LSM12: variants seen among roughly 807,000 people sequenced by gnomAD.
The protein encoded by LSM12 is protein LSM12.
For missense variants in LSM12, 108 were observed against 238.9 expected, an observed-to-expected ratio of 0.45 and a Z score of 3.61; for synonymous variants, 74 against 87.3, an observed-to-expected ratio of 0.85 and a Z score of 0.85.
At chr17:44,063,052 CAGAG>C (rs2049820589) in intron 2 of LSM12, among the ~76,000 whole-genome samples, 6 of 152,030 alleles carry the variant, frequency 3.9e-5, no homozygotes, top group Admixed American at 3.9e-4. Flanking sequence ...CTGGGCGACA[CAGAG>C]AGACTCTGTC....
At chr17:44,048,000 T>C (rs1204594473) in intron 2 of LSM12, among the ~76,000 whole-genome samples, 8 of 139,380 alleles carry the variant, frequency 5.7e-5, no homozygotes, top group South Asian at 4.6e-4. Flanking sequence ...GTGGACAACA[T>C]AGACAGTGTC....
chr17:44,057,131 G>A (rs923856413), intron 2 of LSM12, among the ~76,000 whole-genome samples: 2 of 151,842 alleles, frequency 1.3e-5, no homozygotes, highest in East Asian at 2.0e-4. Context: ...ACTCCAGCCT[G>A]GGCAACAGAG....
intron 2 of LSM12, among the ~76,000 whole-genome samples, chr17:44,044,668 G>A (rs1306261601): frequency 1.3e-5 from 2 of 152,166 alleles, no homozygotes; most frequent in Non-Finnish European, 2.9e-5. Flanking sequence ...CCCATCAATG[G>A]GGGAGACCGC....
chr17:44,050,109 A>G (rs937392349), intron 2 of LSM12, among the ~76,000 whole-genome samples: 2 of 151,686 alleles, frequency 1.3e-5, no homozygotes, highest in Non-Finnish European at 2.9e-5. Context: ...TTTTATTTTT[A>G]TTTTTTTGAG....
rs1156410032 is a variant in LSM12, at chr17:44,062,645, G to A, written c.258+1156C>T. Among the ~76,000 whole-genome samples, 3 of 152,110 alleles carry A rather than the reference G, an allele frequency of 2.0e-5. No homozygotes were observed. In the East Asian group the frequency reaches 5.8e-4, roughly 29 times the overall value. ...CTGACACCTGTAATCCCAGCACTTT[G>A]GGAGGCTGAGGCAGGCAGATCACTT... On this transcript the variant is annotated intron_variant, in intron 2 of 4. Coordinates refer to ENST00000293406, the MANE Select transcript of LSM12 (RefSeq NM_001371445.1).
At chr17:44,065,315 C>T (rs1005398810) in intron 1 of LSM12, among the ~76,000 whole-genome samples, 3 of 151,850 alleles carry the variant, frequency 2.0e-5, no homozygotes, top group African/African-American at 7.3e-5. Flanking sequence ...GTGGCGCGTG[C>T]CCGTAATCCC....
At chr17:44,043,359 C>T (rs2049520069) in intron 2 of LSM12, among the ~76,000 whole-genome samples, 1 of 152,132 alleles carries the variant, frequency 6.6e-6, no homozygotes, top group Non-Finnish European at 1.5e-5. Context: ...GCCATTCTGG[C>T]CCTACCAGGC....
intron 3 of LSM12, among the ~76,000 whole-genome samples, chr17:44,038,452 A>G (rs1258440956): frequency 6.6e-6 from 1 of 151,802 alleles, no homozygotes; most frequent in African/African-American, 2.4e-5. Flanking sequence ...AGGTCAGGAG[A>G]TCGAGACCAT....
rs1198433575 is a variant in LSM12 at position 44,052,813 on chromosome 17, G to T, written c.258+10988C>A. Among the ~76,000 whole-genome samples, 6 of 149,568 alleles carry T rather than the reference G, an allele frequency of 4.0e-5. No homozygotes were observed. The East Asian group carries it at 1.2e-3, about 29-fold the overall frequency. ...TAATCTATTTATATTTTATATAAAC[G>T]TATATTTTTATATAAATTTACATAA... On this transcript the variant is annotated intron_variant, in intron 2 of 4. Coordinates refer to ENST00000293406, the MANE Select transcript of LSM12 (RefSeq NM_001371445.1).
At chr17:44,052,684 G>A (rs761092753) in intron 2 of LSM12, among the ~76,000 whole-genome samples, 17 of 151,772 alleles carry the variant, frequency 1.1e-4, no homozygotes, top group Admixed American at 7.9e-4. Context: ...GCTTGAACCC[G>A]GGAGGTGGAG....
In LSM12 at chr17:44,036,198, GTGTAC is replaced by G. The variant is rs772739905; in HGVS notation, c.*5_*9del. Reference sequence around the variant, plus strand: ...GCTGGATGCTGGAAGAGTCCTCCATGTGTACGGACTCAGGATGACAGGGCAGCCTC... The same window carrying G: ...GCTGGATGCTGGAAGAGTCCTCCATGGGACTCAGGATGACAGGGCAGCCTC... On this transcript the variant is annotated 3_prime_UTR_variant, in exon 5 of 5. Transcript: ENST00000293406. The G allele has an allele frequency of 1.1e-4, 173 of 1,610,004 alleles. No individual in the cohort carries two copies. The highest frequency in any genetic ancestry group is 1.8e-5 in the Non-Finnish European group (21 of 1,178,348).
chr17:44,062,506 A>G (rs1243841695), intron 2 of LSM12, among the ~76,000 whole-genome samples: 1 of 152,198 alleles, frequency 6.6e-6, no homozygotes, highest in African/African-American at 2.4e-5. Flanking sequence ...AAATGTTCCA[A>G]GTACAGGGGA....
At chr17:44,043,847 G>A (rs80002069) in intron 2 of LSM12, among the ~76,000 whole-genome samples, 2,158 of 151,862 alleles carry the variant, frequency 0.014, 55 homozygotes, top group African/African-American at 0.05. Flanking sequence ...AGGAAAGAAG[G>A]AAAAACTGGA....
At chr17:44,064,083 G>A (rs540355836) in intron 1 of LSM12, 149 bp from the exon 2 acceptor site, 1 of 835,134 alleles carries the variant, frequency 1.2e-6, no homozygotes, top group Non-Finnish European at 1.8e-6. Flanking sequence ...GTTCTCCTCA[G>A]GAAATCTCTG....
At chr17:44,050,512 G>C (rs1442411170) in intron 2 of LSM12, among the ~76,000 whole-genome samples, 1 of 146,378 alleles carries the variant, frequency 6.8e-6, no homozygotes, top group Non-Finnish European at 1.5e-5. Context: ...GCTTGTGCCT[G>C]AACATTTTTT....
chr17:44,064,273 T>G (rs1250611297), intron 1 of LSM12, among the ~76,000 whole-genome samples: 1 of 152,228 alleles, frequency 6.6e-6, no homozygotes, highest in African/African-American at 2.4e-5. Context: ...GTCTGCACAG[T>G]ATTCTTTTTA....
At chr17:44,066,358 C>A (rs2049876974) in intron 1 of LSM12, 106 bp downstream of exon 1, 3 of 1,381,052 alleles carry the variant, frequency 2.2e-6, no homozygotes, top group Non-Finnish European at 2.8e-6. Flanking sequence ...GGTAGCCGGT[C>A]GCCCCTAGGC....
At chr17:44,041,142 G>A (rs1464895616) in intron 2 of LSM12, among the ~76,000 whole-genome samples, 3 of 151,386 alleles carry the variant, frequency 2.0e-5, no homozygotes, top group African/African-American at 4.9e-5. Flanking sequence ...ATGGTGGTGC[G>A]TGCCTGTAAT....
chr17:44,038,248 G>C (rs1046641542), intron 3 of LSM12, among the ~76,000 whole-genome samples: 1 of 151,784 alleles, frequency 6.6e-6, no homozygotes, highest in Non-Finnish European at 1.5e-5. Context: ...CAGTTACTCC[G>C]GGGGCTGAGG....
Sources: allele counts gnomAD v4.1 joint callset (sites outside exome capture counted in the v4.1 genomes callset), GRCh38; gene constraint gnomAD v4.1.1; transcripts MANE v1.5; gene names NCBI Gene and HGNC (gene_info 2026-07-23, HGNC 2026-07-21).